Variants in MGME1 observed in about 807,000 individuals in gnomAD.
The protein encoded by MGME1 is chromosome 20 open reading frame 72.
MGME1 carries 22 observed loss-of-function variants against 33.0 expected under a neutral mutation model. The ratio of observed to expected loss-of-function variants is 0.67; its 90% CI spans 0.48 to 0.95. The LOEUF (loss-of-function observed/expected upper bound fraction) is 0.95, where lower values mean the gene tolerates loss of function less well. MGME1 is among the 40% of genes least tolerant of loss of function. The pLI, the probability that MGME1 is intolerant of heterozygous loss-of-function variation, is 0.00. For synonymous variants in MGME1, 133 were observed against 144.0 expected, an observed-to-expected ratio of 0.92 and a Z score of 0.55; for missense variants, 383 against 397.8, an observed-to-expected ratio of 0.96 and a Z score of 0.32.
chr20:17,976,689 T>G (rs6111765), intron 3 of MGME1, among the ~76,000 whole-genome samples: 41,967 of 151,646 alleles, frequency 0.28, 6,071 homozygotes, highest in East Asian at 0.44. Flanking sequence ...GAGACGGAGT[T>G]TTGCTCTTGT....
intron 2 of MGME1, chr20:17,972,662 G>A (rs2035759479): frequency 3.0e-6 from 3 of 984,672 alleles, no homozygotes; most frequent in Non-Finnish European, 3.6e-6. Flanking sequence ...ATTGAATCAT[G>A]TTGAATGTTC....
intron 2 of MGME1, chr20:17,972,872 A>C (rs1600379368): frequency 2.8e-6 from 2 of 703,950 alleles, no homozygotes; most frequent in East Asian, 2.7e-4. Flanking sequence ...AATGCTATAC[A>C]CTTCTTTTTC....
chr20:17,986,344 C>T (rs576323714), intron 3 of MGME1, among the ~76,000 whole-genome samples: 38 of 151,716 alleles, frequency 2.5e-4, no homozygotes, highest in African/African-American at 8.9e-4. Context: ...GCTGGGATTA[C>T]AGGTGTAAGC....
intron 3 of MGME1, among the ~76,000 whole-genome samples, chr20:17,980,728 G>T (rs2035992677): frequency 6.6e-6 from 1 of 151,008 alleles, no homozygotes; most frequent in Admixed American, 6.6e-5. Context: ...AGAATGGCGT[G>T]AACCCGGGAG....
chr20:17,970,496 A>G, intron 2 of MGME1, 126 bp downstream of exon 2: 1 of 891,116 alleles, frequency 1.1e-6, no homozygotes. Context: ...TTCAGATAGT[A>G]ATTAACATTA....
chr20:17,972,780 T>C (rs934559692), intron 2 of MGME1: 7 of 985,410 alleles, frequency 7.1e-6, no homozygotes, highest in Non-Finnish European at 8.4e-6. Flanking sequence ...ATGTATGGTC[T>C]ATTGGCATGG....
At chr20:17,989,705 CTTT>C (rs34413983) in intron 4 of MGME1, among the ~76,000 whole-genome samples, 1 of 143,168 alleles carries the variant, frequency 7.0e-6, no homozygotes, top group Non-Finnish European at 1.5e-5. Context: ...CTTCTTGGGC[CTTT>C]TTTTTTTTTC....
At chr20:17,989,526 G>A (rs1034924498) in intron 4 of MGME1, among the ~76,000 whole-genome samples, 6 of 152,002 alleles carry the variant, frequency 3.9e-5, no homozygotes, top group African/African-American at 1.4e-4. Flanking sequence ...ACCAGCCTGG[G>A]CAACGTGACA....
chr20:17,972,355 T>A (rs1214956404), intron 2 of MGME1, among the ~76,000 whole-genome samples: 1 of 152,126 alleles, frequency 6.6e-6, no homozygotes, highest in Non-Finnish European at 1.5e-5. Flanking sequence ...TTTTGAAGAC[T>A]GGTGGGAATG....
intron 3 of MGME1, among the ~76,000 whole-genome samples, chr20:17,978,868 T>C (rs1180822814): frequency 1.3e-5 from 2 of 151,844 alleles, no homozygotes; most frequent in Admixed American, 1.3e-4. Flanking sequence ...CTCTGCCTCC[T>C]GGGTTCAAGC....
In MGME1 at chr20:17,990,490, A is replaced by C. The variant is rs1457224619; in HGVS notation, c.*381A>C. Reference sequence around the variant, plus strand: ...GAAGGCAGTGAGGCTGAGGGTGCCAAGATTTCCCCAGGGTTCACCCAGAGG... The same window carrying C: ...GAAGGCAGTGAGGCTGAGGGTGCCACGATTTCCCCAGGGTTCACCCAGAGG... On this transcript the variant is annotated 3_prime_UTR_variant, in exon 5 of 5. Transcript: ENST00000377710. The C allele has an allele frequency of 3.1e-6, 1 of 320,140 alleles. No individual in the cohort carries two copies. Among genetic ancestry groups the C allele is most frequent in the African/African-American group, 2.2e-5 (1 of 44,988 alleles). The allele number at this position is 320,140 out of a possible 1,614,324, so 19.8% of individuals were successfully genotyped here. A position where few individuals can be genotyped will look rare whatever the true frequency, so the allele number is the denominator to read the frequency against.
At chr20:17,969,743 G>A (rs189778890) in intron 1 of MGME1, 58 bp from the exon 2 acceptor site, 1 of 1,058,104 alleles carries the variant, frequency 9.5e-7, no homozygotes, top group Admixed American at 2.5e-5. Flanking sequence ...TCACAATTTT[G>A]ATGTGCAATA....
chr20:17,974,061 G>GTTTTTTTTTTTTTTTTTTTT (rs34206000), intron 2 of MGME1, among the ~76,000 whole-genome samples: 6 of 85,476 alleles, frequency 7.0e-5, no homozygotes, highest in Non-Finnish European at 1.4e-4. Context: ...CTCTTTGTGT[G>GTTTTTTTTTTTTTTTTTTTT]TTTTTTTTTT....
chr20:17,974,608 A>T (rs1436438936), intron 2 of MGME1, among the ~76,000 whole-genome samples: 1 of 152,230 alleles, frequency 6.6e-6, no homozygotes, highest in East Asian at 1.9e-4. Context: ...TTTCTCTAGT[A>T]TTCACATGTT....
Position 17,972,901 on chromosome 20 carries a change from A to G in MGME1, c.511+2531A>G, listed in dbSNP as rs1026971640. 3 of 514,388 alleles carry G rather than the reference A, an allele frequency of 5.8e-6. No individual in the cohort carries two copies. In the Admixed American group the frequency reaches 1.9e-4, roughly 33 times the overall value. 31.9% of individuals were successfully genotyped at this position (514,388 alleles called of 1,614,324 possible). On this transcript the variant is annotated intron_variant, in intron 2 of 4. Transcript: ENST00000377710. ...CTTTTTCCTAGGCTTTAATTCCATC[A>G]GTCATAAATTTCTTGTAGGTCTTTC...
chr20:17,983,017 C>T (rs2036062805), intron 3 of MGME1, among the ~76,000 whole-genome samples: 1 of 152,140 alleles, frequency 6.6e-6, no homozygotes, highest in Non-Finnish European at 1.5e-5. Context: ...TCTGACCTAA[C>T]TGAAACCTCT....
chr20:17,976,458 C>G (rs12624629), intron 3 of MGME1, among the ~76,000 whole-genome samples: 43,389 of 151,794 alleles, frequency 0.29, 6,821 homozygotes, highest in African/African-American at 0.43. Context: ...GGCCTGTTTG[C>G]CAGCCTGTCC....
Position 17,987,917 on chromosome 20 carries a change from G to C in MGME1, c.732-249G>C, listed in dbSNP as rs373775931. Among the ~76,000 whole-genome samples, 42 of 152,174 alleles carry C rather than the reference G, an allele frequency of 2.8e-4. No homozygotes were observed. The East Asian group carries it at 5.0e-3, about 18-fold the overall frequency. Reference sequence around the variant, plus strand: ...TGCAAAAAAAGAGGGAGAAAAAGTGGGGGGGTGCACTTATAGTCCCAGCTA... The same window carrying C: ...TGCAAAAAAAGAGGGAGAAAAAGTGCGGGGGTGCACTTATAGTCCCAGCTA... On this transcript the variant is annotated intron_variant, in intron 3 of 4. Transcript: ENST00000377710.
intron 3 of MGME1, among the ~76,000 whole-genome samples, chr20:17,983,913 T>G (rs543288337): frequency 2.9e-4 from 44 of 152,346 alleles, no homozygotes; most frequent in Admixed American, 1.7e-3. Flanking sequence ...CACTGTTGTT[T>G]CCTTTGTTAT....
Sources: gnomAD v4.1 joint callset for allele counts (sites outside exome capture counted in the v4.1 genomes callset) on GRCh38, gnomAD v4.1.1 for gene constraint, MANE v1.5 for transcripts, NCBI Gene and HGNC (gene_info 2026-07-23, HGNC 2026-07-21) for gene names.